Variants in CNTN5 observed in about 807,000 individuals in gnomAD.
The protein encoded by CNTN5 is contactin-5.
Under a neutral mutation model 129.1 loss-of-function variants are expected in CNTN5, and 77 were observed. That is an observed-to-expected ratio of 0.60 (90% CI 0.50 to 0.72). CNTN5 has a LOEUF of 0.72. Ranked by LOEUF, CNTN5 falls within the 30% of genes least tolerant of loss-of-function variation. The pLI is 0.00. For missense variants in CNTN5, 1,478 were observed against 1,328.8 expected (o/e 1.11, Z -1.75); for synonymous variants, 509 against 465.6 (o/e 1.09, Z -1.20).
intron 3 of CNTN5, among the ~76,000 whole-genome samples, chr11:99,743,199 T>A (rs552468834): frequency 6.6e-6 from 1 of 152,204 alleles, no homozygotes; most frequent in Non-Finnish European, 1.5e-5. Context: ...ACATTAGATG[T>A]GTCGTTTTAA....
chr11:99,450,768 GTTTTT>G (rs34146715), intron 2 of CNTN5, among the ~76,000 whole-genome samples: 2 of 105,000 alleles, frequency 1.9e-5, no homozygotes, highest in East Asian at 2.8e-4. Context: ...ATTGAAGCAA[GTTTTT>G]TTTTTTTTTT....
chr11:99,676,921 C>T (rs1215516536), intron 3 of CNTN5, among the ~76,000 whole-genome samples: 1 of 152,050 alleles, frequency 6.6e-6, no homozygotes, highest in African/African-American at 2.4e-5. Flanking sequence ...TAAAGCTTTC[C>T]CCTAACATGC....
chr11:99,130,779 A>G (rs11218505), intron 1 of CNTN5, among the ~76,000 whole-genome samples: 137,590 of 152,148 alleles, frequency 0.9, 62,408 homozygotes, highest in East Asian at 0.99. Flanking sequence ...CCACAGCACA[A>G]TCAAATTAAA....
intron 3 of CNTN5, among the ~76,000 whole-genome samples, chr11:99,685,897 T>A (rs1030738307): frequency 9.9e-5 from 15 of 152,060 alleles, no homozygotes; most frequent in African/African-American, 3.6e-4. Flanking sequence ...TATTTTGGAT[T>A]GAAGTTCTTT....
At chr11:99,508,743 G>A (rs1472216505) in intron 2 of CNTN5, among the ~76,000 whole-genome samples, 2 of 150,994 alleles carry the variant, frequency 1.3e-5, no homozygotes, top group African/African-American at 4.9e-5. Context: ...GCGGTGTGGC[G>A]CGATCTCGGC....
In CNTN5 at chr11:100,224,832, A is replaced by G. The variant is rs1316734172; in HGVS notation, c.2005+20A>G. ...TTAGGGGTGAGTATGCTAATAGTGC[A>G]GTCTGAAGACATGATCACCATAAAT... On this transcript the variant is annotated intron_variant, in intron 16 of 24. Transcript: ENST00000524871. The G allele has an allele frequency of 1.2e-6, 2 of 1,611,360 alleles. No homozygotes were observed. The highest frequency in any genetic ancestry group is 1.1e-5 in the South Asian group (1 of 90,920).
chr11:99,879,864 G>A (rs1358174878), intron 6 of CNTN5, among the ~76,000 whole-genome samples: 1 of 152,176 alleles, frequency 6.6e-6, no homozygotes, highest in Non-Finnish European at 1.5e-5. Flanking sequence ...CTAGCAAGAA[G>A]TCTATGTCCT....
chr11:99,666,581 G>A (rs1952800879), intron 3 of CNTN5, among the ~76,000 whole-genome samples: 1 of 152,188 alleles, frequency 6.6e-6, no homozygotes, highest in Non-Finnish European at 1.5e-5. Flanking sequence ...CAATAGCACA[G>A]AGAGAAGGAT....
intron 2 of CNTN5, among the ~76,000 whole-genome samples, chr11:99,426,359 A>T (rs1222925049): frequency 6.6e-6 from 1 of 152,220 alleles, no homozygotes; most frequent in Admixed American, 6.5e-5. Flanking sequence ...TTCCAAAAAA[A>T]GGGCAAAAAC....
chr11:100,220,091 C>T (rs937701469), intron 15 of CNTN5, among the ~76,000 whole-genome samples: 1 of 151,868 alleles, frequency 6.6e-6, no homozygotes, highest in Non-Finnish European at 1.5e-5. Context: ...TCCTGGCTAA[C>T]ACAGTGAATC....
chr11:99,700,034 T>C (rs569923360), intron 3 of CNTN5, among the ~76,000 whole-genome samples: 72 of 151,604 alleles, frequency 4.7e-4, no homozygotes, highest in African/African-American at 1.7e-3. Flanking sequence ...AATTTGATAT[T>C]GGCCTCCATG....
intron 2 of CNTN5, among the ~76,000 whole-genome samples, chr11:99,390,990 A>G (rs1272087746): frequency 6.6e-6 from 1 of 152,064 alleles, no homozygotes; most frequent in Non-Finnish European, 1.5e-5. Flanking sequence ...CTAATAACTC[A>G]AAAATGATTT....
intron 9 of CNTN5, among the ~76,000 whole-genome samples, chr11:100,044,534 A>G (rs1435768679): frequency 6.6e-6 from 1 of 151,724 alleles, no homozygotes; most frequent in East Asian, 1.9e-4. Flanking sequence ...CTATAGTAAG[A>G]TAATATACAA....
At chr11:99,635,761 T>C (rs1407477075) in intron 3 of CNTN5, among the ~76,000 whole-genome samples, 2 of 152,130 alleles carry the variant, frequency 1.3e-5, no homozygotes, top group African/African-American at 2.4e-5. Flanking sequence ...ATTATGTTTA[T>C]GTATTTGTAT....
At chr11:100,015,181 A>G (rs765541660) in intron 9 of CNTN5, among the ~76,000 whole-genome samples, 28 of 152,316 alleles carry the variant, frequency 1.8e-4, no homozygotes, top group Admixed American at 2.6e-4. Flanking sequence ...TAAAAAACGT[A>G]TAAGCCTGAG....
At chr11:99,145,011 A>T (rs1859707706) in intron 1 of CNTN5, among the ~76,000 whole-genome samples, 1 of 152,106 alleles carries the variant, frequency 6.6e-6, no homozygotes, top group African/African-American at 2.4e-5. Context: ...TGGTATCTGC[A>T]CATCCAGCAT....
At chr11:99,155,546 G>A (rs956375430) in intron 1 of CNTN5, among the ~76,000 whole-genome samples, 8 of 152,064 alleles carry the variant, frequency 5.3e-5, no homozygotes, top group African/African-American at 1.9e-4. Context: ...TATAATTTGT[G>A]GAATGGAGTG....
At chr11:99,201,579 T>C (rs990697317) in intron 1 of CNTN5, among the ~76,000 whole-genome samples, 1 of 152,122 alleles carries the variant, frequency 6.6e-6, no homozygotes, top group Non-Finnish European at 1.5e-5. Flanking sequence ...ATTTGGTGAT[T>C]GCTAATCAGG....
intron 13 of CNTN5, among the ~76,000 whole-genome samples, chr11:100,084,562 G>T (rs1317035851): frequency 6.6e-6 from 1 of 151,932 alleles, no homozygotes; most frequent in Non-Finnish European, 1.5e-5. Context: ...TGATAACCTT[G>T]ACTACAAATG....
Sources: allele counts gnomAD v4.1 joint callset (sites outside exome capture counted in the v4.1 genomes callset), GRCh38; gene constraint gnomAD v4.1.1; transcripts MANE v1.5; gene names NCBI Gene and HGNC (gene_info 2026-07-23, HGNC 2026-07-21).